The following AP3S1 variants were observed in gnomAD, a reference collection of about 807,000 sequenced individuals.
AP3S1 encodes the protein AP-3 complex subunit sigma-1.
In AP3S1, 12 loss-of-function variants were observed where a neutral mutation model predicts 21.3. The observed-to-expected ratio is 0.56, with a 90% CI of 0.36 to 0.91. The LOEUF is 0.91. Ranked by LOEUF, AP3S1 falls within the 40% of genes least tolerant of loss-of-function variation. The pLI, the probability that AP3S1 is intolerant of heterozygous loss-of-function variation, is 0.01. For synonymous variants in AP3S1, 48 were observed against 78.4 expected, an observed-to-expected ratio of 0.61 and a Z score of 2.05; for missense variants, 116 against 225.0, an observed-to-expected ratio of 0.52 and a Z score of 3.10.
At chr5:115,865,961 G>A (rs183603008) in intron 1 of AP3S1, among the ~76,000 whole-genome samples, 3 of 152,256 alleles carry the variant, frequency 2.0e-5, no homozygotes, top group African/African-American at 7.2e-5. Flanking sequence ...ACCACACCCA[G>A]CTATTTTTGT....
intron 1 of AP3S1, among the ~76,000 whole-genome samples, chr5:115,857,790 T>C (rs1011435655): frequency 5.3e-5 from 8 of 152,232 alleles, no homozygotes; most frequent in Non-Finnish European, 1.0e-4. Context: ...AGTCCCCTCA[T>C]AGTTATTTCA....
intron 5 of AP3S1, chr5:115,903,930 T>A (rs1280191477): frequency 6.6e-6 from 1 of 151,974 alleles, no homozygotes; most frequent in Non-Finnish European, 1.5e-5. Flanking sequence ...AAAAAATAAA[T>A]AAATTAGCTG....
chr5:115,886,375 AC>A (rs1199581508), intron 3 of AP3S1, among the ~76,000 whole-genome samples: 3 of 152,098 alleles, frequency 2.0e-5, no homozygotes, highest in African/African-American at 7.2e-5. Context: ...CACCTCTGCC[AC>A]CCCTGAGACA....
At chr5:115,908,467 A>G (rs1174806062) in intron 5 of AP3S1, among the ~76,000 whole-genome samples, 1 of 152,162 alleles carries the variant, frequency 6.6e-6, no homozygotes, top group Non-Finnish European at 1.5e-5. Flanking sequence ...CTACCTTGAC[A>G]TACACATTTG....
chr5:115,843,437 C>A (rs1035982112), intron 1 of AP3S1, among the ~76,000 whole-genome samples: 3 of 152,110 alleles, frequency 2.0e-5, no homozygotes, highest in Non-Finnish European at 4.4e-5. Flanking sequence ...TTCTGCTACT[C>A]GTGTGTGGTT....
At chr5:115,860,966 GAT>G (rs1763132576) in intron 1 of AP3S1, among the ~76,000 whole-genome samples, 1 of 152,154 alleles carries the variant, frequency 6.6e-6, no homozygotes, top group Non-Finnish European at 1.5e-5. Flanking sequence ...CTGTCTTCTA[GAT>G]TACAAATTTA....
intron 1 of AP3S1, among the ~76,000 whole-genome samples, chr5:115,848,252 A>G (rs1265284151): frequency 1.3e-5 from 2 of 152,204 alleles, no homozygotes; most frequent in Non-Finnish European, 2.9e-5. Flanking sequence ...TTTACCACAC[A>G]CAGATAATTA....
chr5:115,847,928 A>T (rs1762175918), intron 1 of AP3S1, among the ~76,000 whole-genome samples: 1 of 152,214 alleles, frequency 6.6e-6, no homozygotes, highest in African/African-American at 2.4e-5. Flanking sequence ...CGAAAAACCC[A>T]AATGCTTATA....
At chr5:115,886,905 A>G (rs945315509) in intron 3 of AP3S1, among the ~76,000 whole-genome samples, 1 of 152,228 alleles carries the variant, frequency 6.6e-6, no homozygotes, top group Non-Finnish European at 1.5e-5. Context: ...TGCATGGTAC[A>G]TAGTAAATGC....
intron 3 of AP3S1, among the ~76,000 whole-genome samples, chr5:115,891,950 C>T (rs778889384): frequency 6.6e-6 from 1 of 152,182 alleles, no homozygotes; most frequent in Non-Finnish European, 1.5e-5. Context: ...GACTCCCCCA[C>T]TGGATTTCAG....
chr5:115,898,901 C>G (rs1419018810), intron 4 of AP3S1: 1 of 152,218 alleles, frequency 6.6e-6, no homozygotes, highest in East Asian at 1.9e-4. Flanking sequence ...GAGTTATCTG[C>G]CCATTTCCTG....
chr5:115,910,622 G>A (rs570415503), intron 5 of AP3S1, among the ~76,000 whole-genome samples: 1 of 152,056 alleles, frequency 6.6e-6, no homozygotes, highest in Non-Finnish European at 1.5e-5. Flanking sequence ...AATGTTTCAG[G>A]CATCACTTTC....
chr5:115,906,516 A>G (rs181188075), intron 5 of AP3S1, among the ~76,000 whole-genome samples: 3 of 152,302 alleles, frequency 2.0e-5, no homozygotes, highest in Admixed American at 2.0e-4. Flanking sequence ...CATCTATTCT[A>G]TTTTGATAGA....
At chr5:115,850,950 C>G (rs1037718780) in intron 1 of AP3S1, among the ~76,000 whole-genome samples, 3 of 152,130 alleles carry the variant, frequency 2.0e-5, no homozygotes, top group African/African-American at 7.2e-5. Context: ...GGAATTCTCA[C>G]TAGTTTATAG....
At chr5:115,864,643 C>T (rs758082762) in intron 1 of AP3S1, among the ~76,000 whole-genome samples, 3 of 152,182 alleles carry the variant, frequency 2.0e-5, no homozygotes, top group Non-Finnish European at 4.4e-5. Context: ...TTGAGCATGA[C>T]TTCACAGGAT....
chr5:115,884,988 T>C (rs1480615047), intron 3 of AP3S1, among the ~76,000 whole-genome samples: 1 of 152,248 alleles, frequency 6.6e-6, no homozygotes, highest in Non-Finnish European at 1.5e-5. Context: ...CATAGCCATA[T>C]AACTTAATAT....
At chr5:115,853,113 T>C (rs1411483215) in intron 1 of AP3S1, 6 of 423,998 alleles carry the variant, frequency 1.4e-5, no homozygotes, top group Non-Finnish European at 2.4e-5. Flanking sequence ...GGCTCCAGTT[T>C]CTTCATATCC....
At chr5:115,883,657 T>G (rs892333694) in intron 3 of AP3S1, among the ~76,000 whole-genome samples, 1 of 152,238 alleles carries the variant, frequency 6.6e-6, no homozygotes, top group Non-Finnish European at 1.5e-5. Flanking sequence ...TCGGCCATCT[T>G]GCCATCCACC....
intron 5 of AP3S1, among the ~76,000 whole-genome samples, chr5:115,911,796 A>AG (rs558945962): frequency 2.0e-3 from 300 of 151,818 alleles, no homozygotes; most frequent in Non-Finnish European, 3.1e-3. Flanking sequence ...GCAGGAAGGA[A>AG]GGGGGGGTAA....
Sources: gnomAD v4.1 joint callset for allele counts (sites outside exome capture counted in the v4.1 genomes callset) on GRCh38, gnomAD v4.1.1 for gene constraint, MANE v1.5 for transcripts, NCBI Gene and HGNC (gene_info 2026-07-23, HGNC 2026-07-21) for gene names.